Variants in RYR2 observed in about 807,000 individuals in gnomAD.
The protein encoded by RYR2 is ryanodine receptor 2.
Under a neutral mutation model 601.1 loss-of-function variants are expected in RYR2, and 227 were observed. The ratio of observed to expected loss-of-function variants is 0.38; its 90% CI spans 0.34 to 0.42. RYR2 has a LOEUF of 0.42. RYR2 is among the 10% of genes least tolerant of loss of function. The pLI, the probability that RYR2 is intolerant of heterozygous loss-of-function variation, is 1.00. For synonymous variants in RYR2, 2,223 were observed against 2,175.1 expected (o/e 1.02, Z -0.61); for missense variants, 4,646 against 6,156.5 (o/e 0.75, Z 8.21).
intron 1 of RYR2, among the ~76,000 whole-genome samples, chr1:237,262,097 A>G (rs955907608): frequency 3.9e-5 from 6 of 152,092 alleles, no homozygotes; most frequent in Non-Finnish European, 8.8e-5. Context: ...ATGTTGTTTG[A>G]GAATTGTTCT....
At chr1:237,508,836 G>A (rs1292607586) in intron 23 of RYR2, among the ~76,000 whole-genome samples, 13 of 144,986 alleles carry the variant, frequency 9.0e-5, no homozygotes, top group Non-Finnish European at 1.3e-4. Context: ...TCCGCCTCCC[G>A]GGTTCACGCC....
At chr1:237,722,634 C>T (rs1350167760) in intron 73 of RYR2, among the ~76,000 whole-genome samples, 5 of 151,980 alleles carry the variant, frequency 3.3e-5, no homozygotes, top group South Asian at 2.1e-4. Flanking sequence ...GGGGTTTCAC[C>T]GTGTTAACCA....
chr1:237,471,856 A>T (rs1367855501), intron 17 of RYR2, among the ~76,000 whole-genome samples: 1 of 151,428 alleles, frequency 6.6e-6, no homozygotes, highest in African/African-American at 2.5e-5. Flanking sequence ...CAAGGGAAAG[A>T]AGGACCCTTA....
intron 1 of RYR2, among the ~76,000 whole-genome samples, chr1:237,084,087 C>T (rs533262932): frequency 4.6e-5 from 7 of 152,266 alleles, no homozygotes; most frequent in Non-Finnish European, 1.0e-4. Flanking sequence ...GAGTTTGGTC[C>T]TCGGTCCTCC....
At chr1:237,818,660 T>C (rs910090529) in intron 100 of RYR2, among the ~76,000 whole-genome samples, 39 of 152,024 alleles carry the variant, frequency 2.6e-4, no homozygotes, top group African/African-American at 8.9e-4. Context: ...ATGTCTGTTA[T>C]GTCCAAAATA....
intron 3 of RYR2, among the ~76,000 whole-genome samples, chr1:237,346,238 G>A (rs1013366576): frequency 6.6e-6 from 1 of 151,774 alleles, no homozygotes; most frequent in Non-Finnish European, 1.5e-5. Flanking sequence ...GTGGTGCAAC[G>A]TGCCTGTAGT....
intron 10 of RYR2, among the ~76,000 whole-genome samples, chr1:237,405,901 A>C (rs1703813445): frequency 1.3e-5 from 2 of 149,638 alleles, no homozygotes; most frequent in Non-Finnish European, 3.0e-5. Context: ...AGGTGAAAAA[A>C]CTTTCTTAAC....
chr1:237,832,405 G>A (rs1452675899), intron 104 of RYR2, 147 bp from the exon 105 acceptor site: 3 of 468,568 alleles, frequency 6.4e-6, no homozygotes, highest in African/African-American at 6.0e-5. Context: ...GAGACGTTAA[G>A]GTCTGGTATA....
At chr1:237,599,881 G>A (rs895617591) in intron 34 of RYR2, among the ~76,000 whole-genome samples, 5 of 151,310 alleles carry the variant, frequency 3.3e-5, no homozygotes, top group Admixed American at 2.6e-4. Context: ...TCTCTACACT[G>A]CAATCTATAA....
In RYR2 at chr1:237,189,253, T is replaced by C. The variant is rs573499166; in HGVS notation, c.49-81244T>C. On this transcript the variant is annotated intron_variant, in intron 1 of 104. Transcript: ENST00000366574. ...TCTTTTAAGGCTTCATAATGTCACG[T>C]TGTGTATATATTTATCTGTATACAT... 9.8e-5 allele frequency among the ~76,000 whole-genome samples: 15 copies of C among 152,288 alleles called. No homozygotes were observed. In the South Asian group the frequency reaches 3.1e-3, roughly 32 times the overall value.
intron 1 of RYR2, among the ~76,000 whole-genome samples, chr1:237,051,172 C>T (rs1275810223): frequency 7.1e-6 from 1 of 141,386 alleles, no homozygotes; most frequent in Non-Finnish European, 1.5e-5. Flanking sequence ...CCTCCCCTCC[C>T]TTCCCCCTTC....
At chr1:237,252,903 G>A (rs1046680857) in intron 1 of RYR2, among the ~76,000 whole-genome samples, 3 of 151,976 alleles carry the variant, frequency 2.0e-5, no homozygotes, top group South Asian at 2.1e-4. Flanking sequence ...AGTGGCTCAT[G>A]CCTGTAATCC....
intron 1 of RYR2, among the ~76,000 whole-genome samples, chr1:237,253,694 A>G (rs1687690758): frequency 6.6e-6 from 1 of 152,170 alleles, no homozygotes; most frequent in African/African-American, 2.4e-5. Flanking sequence ...TTTTATCAGG[A>G]ATAGTTTATT....
At chr1:237,280,501 C>A in intron 2 of RYR2, among the ~76,000 whole-genome samples, 1 of 152,114 alleles carries the variant, frequency 6.6e-6, no homozygotes, top group Middle Eastern at 3.4e-3. Context: ...CTATATTTTT[C>A]AATATTCTTA....
chr1:237,680,803 A>G (rs376608804), intron 62 of RYR2, among the ~76,000 whole-genome samples: 2 of 152,218 alleles, frequency 1.3e-5, no homozygotes, highest in South Asian at 2.1e-4. Flanking sequence ...AATGGTGGAT[A>G]GAAGGATAAA....
intron 27 of RYR2, among the ~76,000 whole-genome samples, chr1:237,561,182 C>T (rs550691335): frequency 1.3e-5 from 2 of 152,064 alleles, no homozygotes; most frequent in South Asian, 4.1e-4. Flanking sequence ...AGAGATAGAG[C>T]CACTGACAGT....
chr1:237,114,699 A>G (rs1406058046), intron 1 of RYR2, among the ~76,000 whole-genome samples: 1 of 152,234 alleles, frequency 6.6e-6, no homozygotes, highest in Non-Finnish European at 1.5e-5. Context: ...TGTAGCCTAG[A>G]GGCTAAAAAC....
intron 1 of RYR2, among the ~76,000 whole-genome samples, chr1:237,072,693 T>C (rs1664515214): frequency 6.6e-6 from 1 of 152,136 alleles, no homozygotes; most frequent in Non-Finnish European, 1.5e-5. Flanking sequence ...TCGCCTGTAA[T>C]CCCAGCACTT....
At chr1:237,750,246 A>G (rs1692432943) in intron 80 of RYR2, among the ~76,000 whole-genome samples, 1 of 152,180 alleles carries the variant, frequency 6.6e-6, no homozygotes, top group Admixed American at 6.5e-5. Flanking sequence ...GGAACTATAC[A>G]TAACACAGTA....
Sources: gnomAD v4.1 joint callset for allele counts (sites outside exome capture counted in the v4.1 genomes callset) on GRCh38, gnomAD v4.1.1 for gene constraint, MANE v1.5 for transcripts, NCBI Gene and HGNC (gene_info 2026-07-23, HGNC 2026-07-21) for gene names.